EFHD1: variants seen among roughly 807,000 people sequenced by gnomAD.
The protein encoded by EFHD1 is EF-hand domain family member D1, also known as EF-hand domain-containing protein D1.
In EFHD1, 10 loss-of-function variants were observed where a neutral mutation model predicts 17.2. That is an observed-to-expected ratio of 0.58 (90% CI 0.36 to 0.99). The LOEUF is 0.99. Among genes scored for constraint, EFHD1 ranks in the 50% least tolerant of loss-of-function variants. The probability of loss-of-function intolerance (pLI) is 0.01; values close to 1 mark genes in which losing one functional copy is unlikely to be tolerated. For synonymous variants in EFHD1, 153 were observed against 142.0 expected, an observed-to-expected ratio of 1.08 and a Z score of -0.55; for missense variants, 310 against 327.5, an observed-to-expected ratio of 0.95 and a Z score of 0.41.
At chr2:232,660,488 C>T (rs1694844606) in intron 1 of EFHD1, among the ~76,000 whole-genome samples, 3 of 152,060 alleles carry the variant, frequency 2.0e-5, no homozygotes, top group Admixed American at 2.0e-4. Context: ...GTGTGAGCCA[C>T]TGCGCCAGGC....
intron 1 of EFHD1, among the ~76,000 whole-genome samples, chr2:232,634,273 C>T (rs954764690): frequency 1.3e-5 from 2 of 151,762 alleles, no homozygotes; most frequent in Non-Finnish European, 3.0e-5. Context: ...CCAGGTCCCC[C>T]AACCCCGACC....
At chr2:232,645,815 G>A (rs1222335895) in intron 1 of EFHD1, among the ~76,000 whole-genome samples, 4 of 152,176 alleles carry the variant, frequency 2.6e-5, no homozygotes, top group African/African-American at 7.2e-5. Flanking sequence ...GAGAAGCCAG[G>A]GAACTCGCCT....
At chr2:232,672,578 C>A in intron 3 of EFHD1, 135 bp downstream of exon 3, 1 of 1,276,410 alleles carries the variant, frequency 7.8e-7, no homozygotes, top group Non-Finnish European at 1.1e-6. Context: ...AGTGCTCTGC[C>A]AACCAGCAAG....
chr2:232,667,661 T>G lies in EFHD1; in HGVS notation c.451-4648T>G, dbSNP rs1368532407. On this transcript the variant is annotated intron_variant, in intron 2 of 3. Transcript: ENST00000264059. ...TCCGCCTCCCGGGTTCAAACGATTCTCCTGCCTCAGCCTCCCAAGTAGCTG... is the reference window on the plus strand; with the variant it reads ...TCCGCCTCCCGGGTTCAAACGATTCGCCTGCCTCAGCCTCCCAAGTAGCTG... 4.6e-5 allele frequency among the ~76,000 whole-genome samples: 7 copies of G among 152,234 alleles called. No homozygotes were observed. The East Asian group carries it at 1.4e-3, about 29-fold the overall frequency.
At position 232,681,769 on chromosome 2, in the gene EFHD1, A is replaced by G. The variant is rs777953870; in HGVS notation, c.*50A>G. ...ACAGCTGTGCCTCACAGATGCCCCG[A>G]GAAGAGATGACTAGGCATCTTCATC... On this transcript the variant is annotated 3_prime_UTR_variant, in exon 4 of 4. Transcript: ENST00000264059. 20 of 1,590,840 alleles carry G rather than the reference A, an allele frequency of 1.3e-5. No homozygotes were observed. In the South Asian group the frequency reaches 2.1e-4, roughly 16 times the overall value.
At chr2:232,613,653 C>T (rs573452235) in intron 1 of EFHD1, among the ~76,000 whole-genome samples, 3,927 of 137,224 alleles carry the variant, frequency 0.029, 190 homozygotes, top group African/African-American at 0.11. Context: ...CATACACACA[C>T]ACACAAATAC....
At chr2:232,629,517 G>A (rs1463053363), upstream of EFHD1, among the ~76,000 whole-genome samples, 2 of 151,724 alleles carry the variant, frequency 1.3e-5, no homozygotes, top group Non-Finnish European at 2.9e-5. Context: ...CTCCCAGGCT[G>A]GAGTGCAGTG....
chr2:232,613,961 CAT>C (rs1392174352), intron 1 of EFHD1, among the ~76,000 whole-genome samples: 3 of 151,852 alleles, frequency 2.0e-5, no homozygotes, highest in Non-Finnish European at 4.4e-5. Context: ...TATACACACA[CAT>C]ACACACGTGA....
At chr2:232,646,279 T>TTC (rs1203437946) in intron 1 of EFHD1, among the ~76,000 whole-genome samples, 1 of 151,868 alleles carries the variant, frequency 6.6e-6, no homozygotes, top group East Asian at 1.9e-4. Flanking sequence ...TGTCACAGTC[T>TTC]TCTCTCTCTC....
At chr2:232,606,209 GTC>G (rs768321506) in intron 1 of EFHD1, 1 of 1,549,538 alleles carries the variant, frequency 6.5e-7, no homozygotes, top group South Asian at 1.2e-5. Context: ...ACCCTTGAGA[GTC>G]TACGATTTTC....
chr2:232,620,981 G>A (rs2106186494), intron 1 of EFHD1, among the ~76,000 whole-genome samples: 1 of 152,230 alleles, frequency 6.6e-6, no homozygotes, highest in Non-Finnish European at 1.5e-5. Flanking sequence ...TAAGAGGGAG[G>A]GGCACGGATG....
At chr2:232,662,776 G>A (rs377139617) in intron 1 of EFHD1, 26 bp from the exon 2 acceptor site, 63 of 1,553,384 alleles carry the variant, frequency 4.1e-5, no homozygotes, top group Middle Eastern at 3.4e-4. Flanking sequence ...CTTTCATCCC[G>A]GTCATGCATT....
At chr2:232,645,426 C>G (rs1694510245) in intron 1 of EFHD1, among the ~76,000 whole-genome samples, 1 of 152,168 alleles carries the variant, frequency 6.6e-6, no homozygotes, top group Admixed American at 6.5e-5. Context: ...CCAGGTTTCC[C>G]CAGCACCCCT....
intron 3 of EFHD1, among the ~76,000 whole-genome samples, chr2:232,681,228 T>C (rs1351221882): frequency 6.6e-6 from 1 of 152,138 alleles, no homozygotes; most frequent in Non-Finnish European, 1.5e-5. Context: ...GTTTGCCTTT[T>C]TCCCTAGAAT....
At chr2:232,649,228 G>C (rs541377363) in intron 1 of EFHD1, among the ~76,000 whole-genome samples, 49 of 152,190 alleles carry the variant, frequency 3.2e-4, no homozygotes, top group Non-Finnish European at 6.8e-4. Context: ...GGTGGGGTTG[G>C]GGTCGGAGTC....
At chr2:232,620,375 G>A (rs1196964732) in intron 1 of EFHD1, among the ~76,000 whole-genome samples, 1 of 145,868 alleles carries the variant, frequency 6.9e-6, no homozygotes, top group Non-Finnish European at 1.5e-5. Flanking sequence ...GCGACAAAAC[G>A]AGACTCCATC....
At chr2:232,628,931 G>A (rs756543730), upstream of EFHD1, among the ~76,000 whole-genome samples, 1 of 152,124 alleles carries the variant, frequency 6.6e-6, no homozygotes, top group Non-Finnish European at 1.5e-5. Context: ...CCTACCCTTG[G>A]AGCCTAGTGA....
chr2:232,656,134 C>G (rs1338140150), intron 1 of EFHD1, among the ~76,000 whole-genome samples: 1 of 152,112 alleles, frequency 6.6e-6, no homozygotes, highest in Non-Finnish European at 1.5e-5. Flanking sequence ...CATTCGTCTT[C>G]TTGGCTGCTT....
chr2:232,615,219 C>T (rs1183632940), intron 1 of EFHD1, among the ~76,000 whole-genome samples: 1 of 151,830 alleles, frequency 6.6e-6, no homozygotes, highest in African/African-American at 2.4e-5. Flanking sequence ...AGGCTATTAG[C>T]AGTTAACTTG....
Sources: gnomAD v4.1 joint callset for allele counts (sites outside exome capture counted in the v4.1 genomes callset) on GRCh38, gnomAD v4.1.1 for gene constraint, MANE v1.5 for transcripts, NCBI Gene and HGNC (gene_info 2026-07-23, HGNC 2026-07-21) for gene names.